The following MYO9A variants were observed in gnomAD, a reference collection of about 807,000 sequenced individuals.
MYO9A encodes unconventional myosin-IXa.
MYO9A carries 103 observed loss-of-function variants against 293.3 expected under a neutral mutation model. The observed-to-expected ratio is 0.35, with a 90% CI of 0.30 to 0.41. The LOEUF is 0.41. Ranked by LOEUF, MYO9A falls within the 10% of genes least tolerant of loss-of-function variation. MYO9A has a pLI of 1.00. For missense variants in MYO9A, 2,685 were observed against 3,033.0 expected, an observed-to-expected ratio of 0.89 and a Z score of 2.69; for synonymous variants, 1,001 against 1,035.7, an observed-to-expected ratio of 0.97 and a Z score of 0.64.
chr15:72,012,861 G>A (rs183768597), intron 6 of MYO9A, among the ~76,000 whole-genome samples: 94 of 152,286 alleles, frequency 6.2e-4, no homozygotes, highest in African/African-American at 2.2e-3. Context: ...TAGTGGGAAA[G>A]TACACTGAAA....
chr15:71,975,190 A>G (rs1464630330), intron 12 of MYO9A, among the ~76,000 whole-genome samples: 1 of 152,178 alleles, frequency 6.6e-6, no homozygotes, highest in Non-Finnish European at 1.5e-5. Flanking sequence ...ACTAATTACT[A>G]ATGACTGAAT....
At chr15:71,939,713 T>C (rs2058726019) in intron 15 of MYO9A, among the ~76,000 whole-genome samples, 3 of 152,344 alleles carry the variant, frequency 2.0e-5, no homozygotes, top group Admixed American at 2.0e-4. Flanking sequence ...TTAAAAAATG[T>C]AATGTTCTTC....
chr15:71,854,980 C>T (rs769096986), intron 34 of MYO9A, among the ~76,000 whole-genome samples: 1 of 152,124 alleles, frequency 6.6e-6, no homozygotes, highest in South Asian at 2.1e-4. Flanking sequence ...CATAAGAATG[C>T]TTTGATGTTT....
intron 25 of MYO9A, among the ~76,000 whole-genome samples, 184 bp from the exon 26 acceptor site, chr15:71,893,962 A>T (rs2057252173): frequency 6.6e-6 from 1 of 152,160 alleles, no homozygotes; most frequent in Non-Finnish European, 1.5e-5. Context: ...CATAAGACTG[A>T]ATTACTAAAG....
chr15:72,015,686 T>TG (rs1278076769), intron 6 of MYO9A, among the ~76,000 whole-genome samples: 4 of 144,122 alleles, frequency 2.8e-5, no homozygotes, highest in Non-Finnish European at 6.1e-5. Flanking sequence ...AGATCAGGTT[T>TG]TTTTTTTTTT....
chr15:71,849,877 A>T (rs1324858439), intron 38 of MYO9A, among the ~76,000 whole-genome samples, 159 bp downstream of exon 38: 1 of 152,204 alleles, frequency 6.6e-6, no homozygotes, highest in Non-Finnish European at 1.5e-5. Flanking sequence ...TGAATCCAGG[A>T]GTTTGCATCC....
chr15:71,975,540 G>A (rs908308294), intron 12 of MYO9A, among the ~76,000 whole-genome samples: 1 of 151,620 alleles, frequency 6.6e-6, no homozygotes, highest in Non-Finnish European at 1.5e-5. Flanking sequence ...GAGTGCTTTA[G>A]GTCTCAGGAG....
In MYO9A at chr15:71,994,426, T is replaced by A. The variant is rs529304190; in HGVS notation, c.1587+43A>T. 3 of 1,259,528 alleles carry A rather than the reference T, an allele frequency of 2.4e-6. No individual in the cohort carries two copies. In the South Asian group the frequency reaches 4.4e-5, roughly 18 times the overall value. The allele number at this position is 1,259,528 out of a possible 1,614,324, so 78.0% of individuals were successfully genotyped here. On this transcript the variant is annotated intron_variant, in intron 10 of 41. Coordinates refer to ENST00000356056, the MANE Select transcript of MYO9A (RefSeq NM_006901.4). The stretch of plus-strand genomic sequence containing the variant: ...TCATGTATTAACCAGTTTATTAAAA[T>A]AGCTTTCAGGGAAAAACATATTATA...
chr15:72,099,851 G>A (rs1049861425), intron 1 of MYO9A, among the ~76,000 whole-genome samples: 5 of 127,878 alleles, frequency 3.9e-5, no homozygotes, highest in Admixed American at 2.0e-4. Flanking sequence ...GCAGTGAGCC[G>A]AGATCGAGCC....
intron 1 of MYO9A, among the ~76,000 whole-genome samples, chr15:72,069,779 T>C (rs544752524): frequency 3.3e-5 from 5 of 152,148 alleles, no homozygotes; most frequent in South Asian, 2.1e-4. Flanking sequence ...TACCCTTCAG[T>C]TGAGTACCTC....
intron 1 of MYO9A, among the ~76,000 whole-genome samples, chr15:72,111,213 C>A (rs547398821): frequency 6.7e-6 from 1 of 149,978 alleles, no homozygotes; most frequent in Non-Finnish European, 1.5e-5. Context: ...AAATAGGCTG[C>A]GCACAGTGGC....
chr15:72,085,454 T>A (rs1019056892), intron 1 of MYO9A, among the ~76,000 whole-genome samples: 1 of 152,094 alleles, frequency 6.6e-6, no homozygotes, highest in Non-Finnish European at 1.5e-5. Flanking sequence ...TCTTGGAGCA[T>A]GTTTTTCAGC....
In MYO9A at chr15:71,825,985, GTTTTTTTTTGTTTTTTTT is replaced by G. The variant is rs1263199968; in HGVS notation, c.*577_*594del. ...TGATGGCTTAATGGAAACAATCACG[GTTTTTTTTTGTTTTTTTT>G]TTTTTGTTTTTTTTTTTTGTTTTTG... On this transcript the variant is annotated 3_prime_UTR_variant, in exon 42 of 42. Coordinates refer to ENST00000356056, the MANE Select transcript of MYO9A (RefSeq NM_006901.4). The G allele has an allele frequency of 1.7e-5, 2 of 117,684 alleles. No homozygotes were observed. The highest frequency in any genetic ancestry group is 3.5e-5 in the Non-Finnish European group (2 of 57,198). 7.3% of individuals were successfully genotyped at this position (117,684 alleles called of 1,614,324 possible).
intron 27 of MYO9A, among the ~76,000 whole-genome samples, chr15:71,887,175 T>G (rs1371577031): frequency 1.3e-5 from 2 of 152,170 alleles, no homozygotes; most frequent in African/African-American, 4.8e-5. Context: ...ATTTTCAATC[T>G]TATTTAGTCT....
intron 1 of MYO9A, among the ~76,000 whole-genome samples, chr15:72,111,808 T>C (rs965006285): frequency 1.3e-5 from 2 of 152,104 alleles, no homozygotes; most frequent in South Asian, 4.2e-4. Context: ...AGCTATTTAA[T>C]AATAATTTTG....
Position 71,968,005 on chromosome 15 carries a change from T to G in MYO9A, c.1965A>C (p.Gly655=). The part of the protein sequence containing the change: ...EPAFIIKHYA[G]KVKYGVKDFR... The stretch of plus-strand genomic sequence containing the variant: ...TGACCTTTACCCCATATTTTACTTT[T>G]CCAGCATAATGTTTTATAATGAAAG... Residue 655 remains glycine, a synonymous_variant, in exon 13 of 42, where the codon GGA becomes GGC. Transcript: ENST00000356056. 6.2e-7 allele frequency: 1 copy of G among 1,610,402 alleles called. No homozygotes were observed. Among genetic ancestry groups the G allele is most frequent in the South Asian group, 1.1e-5 (1 of 90,198 alleles).
chr15:72,117,584 G>C (rs2151283702), intron 1 of MYO9A, 96 bp downstream of exon 1: 1 of 385,060 alleles, frequency 2.6e-6, no homozygotes, highest in South Asian at 1.4e-4. Context: ...GTCTCCGCTG[G>C]GACGGGGCGG....
intron 8 of MYO9A, among the ~76,000 whole-genome samples, chr15:72,000,624 CTA>C (rs918527940): frequency 3.9e-5 from 6 of 152,062 alleles, no homozygotes; most frequent in African/African-American, 1.2e-4. Context: ...TCAGATCTAA[CTA>C]TGTGGATAAT....
chr15:71,924,672 G>A (rs1027921912), intron 18 of MYO9A, among the ~76,000 whole-genome samples: 2 of 152,068 alleles, frequency 1.3e-5, no homozygotes, highest in Admixed American at 1.3e-4. Context: ...TGTAATCCCA[G>A]CACTTTGAGA....
Sources: gnomAD v4.1 joint callset for allele counts (sites outside exome capture counted in the v4.1 genomes callset) on GRCh38, gnomAD v4.1.1 for gene constraint, MANE v1.5 for transcripts, NCBI Gene and HGNC (gene_info 2026-07-23, HGNC 2026-07-21) for gene names.